The following ZNF804B variants were observed in gnomAD, a reference collection of about 807,000 sequenced individuals.
ZNF804B encodes zinc finger 804B.
A neutral mutation model predicts 101.4 loss-of-function variants in ZNF804B; 80 were observed. The observed-to-expected ratio is 0.79, with a 90% CI of 0.66 to 0.95. The LOEUF is 0.95. Ranked by LOEUF, ZNF804B falls within the 40% of genes least tolerant of loss-of-function variation. ZNF804B has a pLI of 0.00. For missense variants in ZNF804B, 1,673 were observed against 1,561.9 expected, an observed-to-expected ratio of 1.07 and a Z score of -1.20; for synonymous variants, 622 against 558.8, an observed-to-expected ratio of 1.11 and a Z score of -1.59.
chr7:88,873,588 T>C (rs1188121445), intron 1 of ZNF804B, among the ~76,000 whole-genome samples: 1 of 152,124 alleles, frequency 6.6e-6, no homozygotes, highest in Non-Finnish European at 1.5e-5. Flanking sequence ...TCTTCTAGGG[T>C]TTTTATGGTT....
intron 1 of ZNF804B, among the ~76,000 whole-genome samples, chr7:89,216,248 C>T (rs1379619494): frequency 6.6e-6 from 1 of 152,118 alleles, no homozygotes; most frequent in East Asian, 1.9e-4. Flanking sequence ...GGGGAGGTCG[C>T]GGTGAGCCGA....
At chr7:89,132,291 T>G (rs1344971648) in intron 1 of ZNF804B, among the ~76,000 whole-genome samples, 1 of 151,912 alleles carries the variant, frequency 6.6e-6, no homozygotes, top group African/African-American at 2.4e-5. Flanking sequence ...AGAACTGGAA[T>G]ACTGCAGAGG....
intron 2 of ZNF804B, among the ~76,000 whole-genome samples, chr7:89,304,167 T>C (rs1382014866): frequency 6.6e-6 from 1 of 151,952 alleles, no homozygotes; most frequent in Non-Finnish European, 1.5e-5. Flanking sequence ...CTTTGAAATA[T>C]AATCATGGAA....
intron 1 of ZNF804B, among the ~76,000 whole-genome samples, chr7:88,888,354 C>T (rs1457258543): frequency 4.0e-5 from 6 of 151,898 alleles, no homozygotes; most frequent in South Asian, 2.1e-4. Flanking sequence ...ACCATGGCAC[C>T]GCACTCCAGC....
At chr7:88,857,114 G>A (rs924180285) in intron 1 of ZNF804B, among the ~76,000 whole-genome samples, 3 of 152,048 alleles carry the variant, frequency 2.0e-5, no homozygotes, top group Non-Finnish European at 4.4e-5. Context: ...TCAAAGCAGT[G>A]CGTGGAGGGA....
In ZNF804B at chr7:88,916,374, G is replaced by A. The variant is rs984247454; in HGVS notation, c.108+156290G>A. On this transcript the variant is annotated intron_variant, in intron 1 of 3. Coordinates refer to ENST00000333190, the MANE Select transcript of ZNF804B (RefSeq NM_181646.5). ...AAATTATGATTATAAGGTATTTTCT[G>A]AGATTCTTGTATATTAAAATCTGGC... Among the ~76,000 whole-genome samples, 3 of 152,142 alleles carry A rather than the reference G, an allele frequency of 2.0e-5. No individual in the cohort carries two copies. The East Asian group carries it at 5.8e-4, about 29-fold the overall frequency.
At chr7:89,326,551 T>G (rs1163827338) in intron 2 of ZNF804B, among the ~76,000 whole-genome samples, 1 of 152,080 alleles carries the variant, frequency 6.6e-6, no homozygotes, top group Non-Finnish European at 1.5e-5. Flanking sequence ...AGGATAATCT[T>G]TAAATACACT....
At chr7:88,988,560 G>A (rs1793798509) in intron 1 of ZNF804B, among the ~76,000 whole-genome samples, 1 of 152,144 alleles carries the variant, frequency 6.6e-6, no homozygotes, top group African/African-American at 2.4e-5. Context: ...CAGACAAGGA[G>A]TGTAGATGGT....
At chr7:88,838,268 T>G (rs1008281485) in intron 1 of ZNF804B, among the ~76,000 whole-genome samples, 2 of 151,802 alleles carry the variant, frequency 1.3e-5, no homozygotes, top group Admixed American at 1.3e-4. Context: ...TCCTTATAGA[T>G]AATGGAAAAA....
chr7:89,012,089 C>T (rs956778155), intron 1 of ZNF804B, among the ~76,000 whole-genome samples: 6 of 152,174 alleles, frequency 3.9e-5, no homozygotes, highest in Non-Finnish European at 8.8e-5. Flanking sequence ...CTCACACTTT[C>T]AATAACATGT....
intron 1 of ZNF804B, among the ~76,000 whole-genome samples, chr7:89,069,039 G>C (rs1310590947): frequency 6.6e-6 from 1 of 152,180 alleles, no homozygotes; most frequent in Non-Finnish European, 1.5e-5. Flanking sequence ...CAAAAAGCAT[G>C]AGCAGGTACT....
intron 1 of ZNF804B, among the ~76,000 whole-genome samples, chr7:88,823,060 A>G (rs1373553603): frequency 6.6e-6 from 1 of 152,114 alleles, no homozygotes; most frequent in Non-Finnish European, 1.5e-5. Flanking sequence ...AAATACAAAA[A>G]TTAGCCTGGC....
chr7:89,296,764 C>G (rs1222214523), intron 2 of ZNF804B, among the ~76,000 whole-genome samples: 1 of 152,062 alleles, frequency 6.6e-6, no homozygotes, highest in African/African-American at 2.4e-5. Context: ...AGCCAGCCAC[C>G]TTTCCTCTCC....
chr7:89,011,744 CTA>C (rs75900368), intron 1 of ZNF804B, among the ~76,000 whole-genome samples: 14,925 of 152,130 alleles, frequency 0.098, 797 homozygotes, highest in Non-Finnish European at 0.11. Flanking sequence ...AGCTCTGCCC[CTA>C]TGTCTTTGAG....
chr7:89,251,551 C>A (rs1255884180), intron 2 of ZNF804B, among the ~76,000 whole-genome samples: 2 of 152,094 alleles, frequency 1.3e-5, no homozygotes, highest in African/African-American at 2.4e-5. Context: ...AATGCTATTT[C>A]TATCAAGCTA....
At chr7:89,062,025 C>T (rs956975337) in intron 1 of ZNF804B, among the ~76,000 whole-genome samples, 3 of 152,056 alleles carry the variant, frequency 2.0e-5, no homozygotes, top group Non-Finnish European at 4.4e-5. Context: ...CACTTGTCTT[C>T]CCAGCTGCTA....
intron 1 of ZNF804B, among the ~76,000 whole-genome samples, chr7:89,168,224 T>C (rs1791172280): frequency 6.6e-6 from 1 of 152,042 alleles, no homozygotes; most frequent in African/African-American, 2.4e-5. Flanking sequence ...CAGTAGTAAC[T>C]CCTGTTAAGA....
intron 1 of ZNF804B, among the ~76,000 whole-genome samples, chr7:89,186,759 T>C (rs1788381212): frequency 6.6e-6 from 1 of 152,160 alleles, no homozygotes; most frequent in African/African-American, 2.4e-5. Context: ...CTGTTCTTGA[T>C]TTTAAAAAGA....
chr7:89,111,059 G>T lies in ZNF804B; in HGVS notation c.109-107096G>T, dbSNP rs537506995. Among the ~76,000 whole-genome samples, 3 of 152,102 alleles carry T rather than the reference G, an allele frequency of 2.0e-5. No homozygotes were observed. The East Asian group carries it at 5.8e-4, about 29-fold the overall frequency. On this transcript the variant is annotated intron_variant, in intron 1 of 3. Coordinates refer to ENST00000333190, the MANE Select transcript of ZNF804B (RefSeq NM_181646.5). Reference sequence around the variant, plus strand: ...TTCCTCCATGTCTTTTTATGGCTCGGTAGCTCATTTCTTGTCATTTTTAAA... The same window carrying T: ...TTCCTCCATGTCTTTTTATGGCTCGTTAGCTCATTTCTTGTCATTTTTAAA...
Sources: gnomAD v4.1 joint callset for allele counts (sites outside exome capture counted in the v4.1 genomes callset) on GRCh38, gnomAD v4.1.1 for gene constraint, MANE v1.5 for transcripts, NCBI Gene and HGNC (gene_info 2026-07-23, HGNC 2026-07-21) for gene names.